Variants in MRTFA observed in about 807,000 individuals in gnomAD.
MRTFA encodes myocardin related transcription factor A, also known as myocardin-related transcription factor A.
In MRTFA, 20 loss-of-function variants were observed where a neutral mutation model predicts 83.5. That is an observed-to-expected ratio of 0.24 (90% confidence interval 0.17 to 0.35). The LOEUF is 0.35. Among genes scored for constraint, MRTFA ranks in the 10% least tolerant of loss-of-function variants. The probability of loss-of-function intolerance (pLI) is 1.00; values close to 1 mark genes in which losing one functional copy is unlikely to be tolerated. For missense variants in MRTFA, 1,200 were observed against 1,224.7 expected, an observed-to-expected ratio of 0.98 and a Z score of 0.30; for synonymous variants, 659 against 541.2, an observed-to-expected ratio of 1.22 and a Z score of -3.02.
At chr22:40,434,365 G>A (rs569995353) in intron 5 of MRTFA, among the ~76,000 whole-genome samples, 161 of 149,668 alleles carry the variant, frequency 1.1e-3, no homozygotes, top group African/African-American at 3.8e-3. Flanking sequence ...GGGGAGAGGG[G>A]AATGAAAGAA....
At chr22:40,494,695 A>G in intron 3 of MRTFA, among the ~76,000 whole-genome samples, 1 of 151,832 alleles carries the variant, frequency 6.6e-6, no homozygotes, top group Non-Finnish European at 1.5e-5. Flanking sequence ...AAAAAAAAAA[A>G]TTATGGTACA....
rs970569936 is a variant in MRTFA at position 40,605,923 on chromosome 22, C to T, written c.-83-11188G>A. On this transcript the variant is annotated intron_variant, in intron 1 of 14. Transcript: ENST00000355630. ...AAATTGCTAAAGTCAGATTAATTTT[C>T]ATTTATTCATCTCCTATTCCACAAT... is the stretch of plus-strand genomic sequence containing the variant. Among the ~76,000 whole-genome samples, 4 of 152,182 alleles carry T rather than the reference C, an allele frequency of 2.6e-5. 1 individual carries two copies. In the South Asian group the frequency reaches 8.3e-4, roughly 32 times the overall value.
chr22:40,448,927 C>T lies in MRTFA; in HGVS notation c.308-13373G>A, dbSNP rs182666363. 8.9e-4 allele frequency among the ~76,000 whole-genome samples: 135 copies of T among 152,254 alleles called. 1 individual carries two copies. The Middle Eastern group carries it at 0.02, about 23-fold the overall frequency. ...GATGAACGCTCAGAATTTTTCTGTA[C>T]CCAGTCATCTTATATGCAAAAGCGT... On this transcript the variant is annotated intron_variant, in intron 4 of 14. Coordinates refer to ENST00000355630, the MANE Select transcript of MRTFA (RefSeq NM_020831.6).
chr22:40,490,198 C>A (rs937700817), intron 3 of MRTFA, among the ~76,000 whole-genome samples: 1 of 152,096 alleles, frequency 6.6e-6, no homozygotes, highest in African/African-American at 2.4e-5. Flanking sequence ...TACTATCCCC[C>A]GCCTCTCAAA....
chr22:40,578,993 A>T (rs574365145), intron 2 of MRTFA, among the ~76,000 whole-genome samples: 1 of 152,278 alleles, frequency 6.6e-6, no homozygotes, highest in Admixed American at 6.5e-5. Context: ...CCATAATCTC[A>T]GCTACTTGGG....
intron 3 of MRTFA, among the ~76,000 whole-genome samples, chr22:40,510,714 ACAAT>A (rs948449124): frequency 1.3e-5 from 2 of 152,100 alleles, no homozygotes; most frequent in African/African-American, 4.8e-5. Flanking sequence ...AATGCAGCAA[ACAAT>A]CAGTCTTTGG....
At chr22:40,490,554 G>A (rs920232514) in intron 3 of MRTFA, among the ~76,000 whole-genome samples, 3 of 150,674 alleles carry the variant, frequency 2.0e-5, no homozygotes, top group African/African-American at 4.9e-5. Flanking sequence ...AGCAGGGATT[G>A]CGCCACTGCA....
chr22:40,441,659 C>T (rs1315363687), intron 4 of MRTFA, among the ~76,000 whole-genome samples: 8 of 151,826 alleles, frequency 5.3e-5, no homozygotes, highest in Non-Finnish European at 7.4e-5. Context: ...TGGTGGTGCG[C>T]GCCTATAATC....
At position 40,514,910 on chromosome 22, in the gene MRTFA, C is replaced by CTT. The variant is rs1338372081; in HGVS notation, c.241+37194_241+37195dup. On this transcript the variant is annotated intron_variant, in intron 3 of 14. Transcript: ENST00000355630. Reference sequence around the variant, plus strand: ...TCCTCAATTTCTCCAATATTTCTTCCTTTTTTTTTTTTTTTTGAGACAGAG... The same window carrying CTT: ...TCCTCAATTTCTCCAATATTTCTTCCTTTTTTTTTTTTTTTTTTGAGACAGAG... 5.3e-4 allele frequency among the ~76,000 whole-genome samples: 70 copies of CTT among 130,862 alleles called. 1 individual carries two copies. Among genetic ancestry groups the CTT allele is most frequent in the Middle Eastern group, 4.2e-3 (1 of 238 alleles). The allele number at this position is 130,862 out of a possible 152,430, so 85.9% of individuals were successfully genotyped here.
chr22:40,508,135 T>C (rs1010643611), intron 3 of MRTFA, among the ~76,000 whole-genome samples: 9 of 152,088 alleles, frequency 5.9e-5, no homozygotes, highest in African/African-American at 2.2e-4. Flanking sequence ...GTCCCCAATT[T>C]GATTAAGTAA....
chr22:40,571,213 A>G (rs1212488537), intron 2 of MRTFA, among the ~76,000 whole-genome samples: 1 of 151,938 alleles, frequency 6.6e-6, no homozygotes, highest in Admixed American at 6.6e-5. Flanking sequence ...CTCTCAAAAA[A>G]AATAAAATAA....
intron 3 of MRTFA, among the ~76,000 whole-genome samples, chr22:40,484,173 A>T (rs2054138199): frequency 6.6e-6 from 1 of 152,138 alleles, no homozygotes; most frequent in Admixed American, 6.5e-5. Flanking sequence ...AAAGAAAAAA[A>T]AAACAGTAAA....
At chr22:40,487,300 A>G (rs1448432137) in intron 3 of MRTFA, among the ~76,000 whole-genome samples, 1 of 152,246 alleles carries the variant, frequency 6.6e-6, no homozygotes, top group African/African-American at 2.4e-5. Flanking sequence ...ATGACATAGG[A>G]ACTGAGAAGG....
intron 3 of MRTFA, among the ~76,000 whole-genome samples, chr22:40,525,192 A>G (rs1228235294): frequency 6.6e-6 from 1 of 152,240 alleles, no homozygotes; most frequent in East Asian, 1.9e-4. Context: ...AAAAGATGGA[A>G]AAAATATAAT....
intron 3 of MRTFA, 55 bp from the exon 4 acceptor site, chr22:40,463,341 C>CA (rs2053749266): frequency 6.9e-7 from 1 of 1,451,102 alleles, no homozygotes. Context: ...TATTCCACCT[C>CA]AAAAAACACA....
intron 3 of MRTFA, among the ~76,000 whole-genome samples, chr22:40,496,653 T>TG (rs1272273642): frequency 2.1e-5 from 3 of 144,988 alleles, no homozygotes; most frequent in Non-Finnish European, 4.5e-5. Flanking sequence ...CACAATTATG[T>TG]AACACATACA....
chr22:40,576,576 CT>C (rs1373810423), intron 2 of MRTFA, among the ~76,000 whole-genome samples: 3 of 152,124 alleles, frequency 2.0e-5, no homozygotes, highest in Non-Finnish European at 2.9e-5. Flanking sequence ...TAGATTACCC[CT>C]TTAGGAAGCG....
At chr22:40,471,219 TAAAAAAA>T (rs61206773) in intron 3 of MRTFA, among the ~76,000 whole-genome samples, 2 of 42,670 alleles carry the variant, frequency 4.7e-5, no homozygotes, top group African/African-American at 1.0e-4. Context: ...CTGTTTCTAT[TAAAAAAA>T]AAAAAAAAAA....
At chr22:40,445,828 G>C (rs1002507240) in intron 4 of MRTFA, among the ~76,000 whole-genome samples, 1 of 152,174 alleles carries the variant, frequency 6.6e-6, no homozygotes, top group Non-Finnish European at 1.5e-5. Flanking sequence ...GATTACAGGC[G>C]TGAGCCACCA....
Sources: gnomAD v4.1 joint callset for allele counts (sites outside exome capture counted in the v4.1 genomes callset) on GRCh38, gnomAD v4.1.1 for gene constraint, MANE v1.5 for transcripts, NCBI Gene and HGNC (gene_info 2026-07-23, HGNC 2026-07-21) for gene names.